GRIK5: variants seen among roughly 807,000 people sequenced by gnomAD.
GRIK5 encodes the protein glutamate receptor ionotropic, kainate 5.
GRIK5 carries 43 observed loss-of-function variants against 97.4 expected under a neutral mutation model. The ratio of observed to expected loss-of-function variants is 0.44; its 90% CI spans 0.35 to 0.57. The LOEUF (loss-of-function observed/expected upper bound fraction) is 0.57. Ranked by LOEUF, GRIK5 falls within the 20% of genes least tolerant of loss-of-function variation. The pLI, the probability that GRIK5 is intolerant of heterozygous loss-of-function variation, is 0.01. For synonymous variants in GRIK5, 580 were observed against 583.5 expected (o/e 0.99, Z 0.09); for missense variants, 1,015 against 1,382.0 (o/e 0.73, Z 4.21).
Position 42,065,936 on chromosome 19 carries a change from T to A in GRIK5, c.-50-116A>T, listed in dbSNP as rs1054931386. The stretch of plus-strand genomic sequence containing the variant: ...CTTGGGGACATTGTTGGCAAGCAGT[T>A]CACAGCTCTGCAGAGCCCTGCTCTG... On this transcript the variant is annotated intron_variant, in intron 1 of 19. Coordinates refer to ENST00000593562, the MANE Select transcript of GRIK5 (RefSeq NM_002088.5). The surrounding 1 kb of genome is among the most constrained non-coding windows in gnomAD (Gnocchi z 5.8). 20 of 628,918 alleles carry A rather than the reference T, an allele frequency of 3.2e-5. No individual in the cohort carries two copies. The highest frequency in any genetic ancestry group is 9.7e-5 in the Admixed American group (4 of 41,194). 39.0% of individuals were successfully genotyped at this position (628,918 alleles called of 1,614,324 possible). A position where few individuals can be genotyped will look rare whatever the true frequency, so the allele number is the denominator to read the frequency against.
Position 42,065,173 on chromosome 19 carries a change from G to C in GRIK5, c.244+50C>G. 2.0e-6 allele frequency: 3 copies of C among 1,530,360 alleles called. No individual in the cohort carries two copies. The highest frequency in any genetic ancestry group is 2.7e-6 in the Non-Finnish European group (3 of 1,121,800). The allele number at this position is 1,530,360 out of a possible 1,614,324, so 94.8% of individuals were successfully genotyped here. On this transcript the variant is annotated intron_variant, in intron 3 of 19. Transcript: ENST00000593562. This position sits in a 1 kb window ranked among gnomAD's most constrained non-coding sequence, Gnocchi z 5.8. ...GGCCAGGGGCAGAGGGATGGACTGA[G>C]GGCCACCGACCTGCCCTGCCTCACC...
chr19:42,039,534 C>T, intron 12 of GRIK5, among the ~76,000 whole-genome samples: 1 of 152,094 alleles, frequency 6.6e-6, no homozygotes, highest in East Asian at 1.9e-4. Flanking sequence ...CTGCTGAGGC[C>T]CAAACCCTTT....
chr19:42,048,669 TA>T (rs1327443936), intron 11 of GRIK5, among the ~76,000 whole-genome samples: 1 of 151,510 alleles, frequency 6.6e-6, no homozygotes, highest in African/African-American at 2.4e-5. Flanking sequence ...CACAAATCAA[TA>T]AAAAGTCACA....
In GRIK5 at chr19:42,054,393, C is replaced by T. The variant is rs1362523906; in HGVS notation, c.983G>A (p.Gly328Asp). Reference protein sequence around the residue: ...VRELNRSQEIGVKPLACTSAN... With the variant: ...VRELNRSQEIDVKPLACTSAN... The stretch of plus-strand genomic sequence containing the variant: ...CGATGTACAGGCCAGAGGCTTCACA[C>T]CGATCTCCTGGCTGCGGTTCAGCTC... The change falls in exon 9 of 20, where the codon GGT (glycine) becomes GAT (aspartate). Residue 328 changes from glycine (G) to aspartate (D), a missense_variant. Gly to Asp is a moderately conservative substitution (Grantham distance 94). Coordinates refer to ENST00000593562, the MANE Select transcript of GRIK5 (RefSeq NM_002088.5). The T allele has an allele frequency of 1.2e-6, 2 of 1,613,836 alleles. No homozygotes were observed. Among genetic ancestry groups the T allele is most frequent in the Admixed American group, 1.7e-5 (1 of 60,024 alleles).
intron 11 of GRIK5, among the ~76,000 whole-genome samples, chr19:42,049,180 G>T (rs2076081161): frequency 1.3e-5 from 2 of 152,196 alleles, no homozygotes; most frequent in African/African-American, 4.8e-5. Flanking sequence ...AAACCGAGTA[G>T]CAAGTGGAAT....
At chr19:42,008,609 A>G (rs1555873345) in intron 15 of GRIK5, among the ~76,000 whole-genome samples, 1 of 152,146 alleles carries the variant, frequency 6.6e-6, no homozygotes, top group East Asian at 1.9e-4. Context: ...TGGGCAACAA[A>G]GCAAGACTCT....
At chr19:42,063,577 A>C (rs182133741) in intron 3 of GRIK5, 1 of 315,332 alleles carries the variant, frequency 3.2e-6, no homozygotes, top group Admixed American at 4.2e-5. Flanking sequence ...CACCTTCCCC[A>C]GGTCTTTTGC....
At chr19:42,034,766 G>C (rs1204741609) in intron 12 of GRIK5, among the ~76,000 whole-genome samples, 1 of 150,620 alleles carries the variant, frequency 6.6e-6, no homozygotes, top group Admixed American at 6.7e-5. Context: ...CCACGCACCA[G>C]ACACTTTTAT....
intron 1 of GRIK5, chr19:42,068,615 T>C (rs2076375483): frequency 2.4e-6 from 1 of 421,314 alleles, no homozygotes; most frequent in Non-Finnish European, 4.2e-6. Flanking sequence ...AGGCACAGAA[T>C]AGAAAGAGAA....
chr19:42,053,986 G>T, intron 9 of GRIK5, 57 bp from the exon 10 acceptor site: 1 of 1,197,952 alleles, frequency 8.3e-7, no homozygotes, highest in Non-Finnish European at 1.2e-6. Flanking sequence ...AGATGGGCAG[G>T]GAAGGCCCAA....
intron 3 of GRIK5, among the ~76,000 whole-genome samples, chr19:42,063,830 G>T (rs936414198): frequency 1.3e-5 from 2 of 152,116 alleles, no homozygotes; most frequent in Non-Finnish European, 2.9e-5. Flanking sequence ...TTTGTCCTTA[G>T]GTCTTTTAGT....
At chr19:42,005,530 T>C (rs1173405130) in intron 17 of GRIK5, among the ~76,000 whole-genome samples, 193 bp downstream of exon 17, 1 of 152,210 alleles carries the variant, frequency 6.6e-6, no homozygotes, top group African/African-American at 2.4e-5. Context: ...GGATTGCTGC[T>C]AGGCCTGGTT....
intron 12 of GRIK5, among the ~76,000 whole-genome samples, chr19:42,035,126 G>A (rs1049215267): frequency 6.6e-6 from 1 of 152,050 alleles, no homozygotes; most frequent in African/African-American, 2.4e-5. Flanking sequence ...TTACAGGCAT[G>A]CGCCACCACA....
At chr19:42,012,224 GTGTATGTATGTA>G (rs541112270) in intron 15 of GRIK5, among the ~76,000 whole-genome samples, 22 of 151,462 alleles carry the variant, frequency 1.5e-4, no homozygotes, top group Non-Finnish European at 2.2e-4. Context: ...ATACATGTAT[GTGTATGTATGTA>G]TGTATGTATG....
Position 42,054,063 on chromosome 19 carries a change from G to A in GRIK5, c.1057-134C>T. On this transcript the variant is annotated intron_variant, in intron 9 of 19. Coordinates refer to ENST00000593562, the MANE Select transcript of GRIK5 (RefSeq NM_002088.5). ...GTGGAGGGGACAAGAGAGAGAAGAG[G>A]AAGATCACAGTCAAAAGAGCAAGAT... 3 of 670,832 alleles carry A rather than the reference G, an allele frequency of 4.5e-6. No homozygotes were observed. In the South Asian group the frequency reaches 5.4e-5, roughly 12 times the overall value. 41.6% of individuals were successfully genotyped at this position (670,832 alleles called of 1,614,324 possible). A position where few individuals can be genotyped will look rare whatever the true frequency, so the allele number is the denominator to read the frequency against.
chr19:42,046,443 CCAGA>C (rs2076044068), intron 11 of GRIK5, among the ~76,000 whole-genome samples: 1 of 152,182 alleles, frequency 6.6e-6, no homozygotes, highest in Admixed American at 6.5e-5. Context: ...AACACTGCAG[CCAGA>C]CAATGAGATA....
In GRIK5 at chr19:42,062,831, A is replaced by G; in HGVS notation, c.269T>C (p.Val90Ala). Residue 90 changes from valine (V) to alanine (A), a missense_variant, in exon 4 of 20, where the codon GTT becomes GCT. Transcript: ENST00000593562. The surrounding 1 kb of genome is among the most constrained non-coding windows in gnomAD (Gnocchi z 5.3). Reference sequence around the variant, plus strand: ...AGAGGAGGGCCCAAGGACAGACACAACCCCTTTGGGTAAGATCTGACACAC... The same window carrying G: ...AGAGGAGGGCCCAAGGACAGACACAGCCCCTTTGGGTAAGATCTGACACAC... ...DTMCQILPKG[V>A]VSVLGPSSSP... 1 of 1,613,626 alleles carries G rather than the reference A, an allele frequency of 6.2e-7. No homozygotes were observed.
chr19:42,053,179 A>G (rs2146139848), intron 11 of GRIK5, among the ~76,000 whole-genome samples: 1 of 152,282 alleles, frequency 6.6e-6, no homozygotes. Context: ...TTAGAGACAT[A>G]GCTTCCAGTC....
Position 41,999,076 on chromosome 19 carries a change from G to A in GRIK5, c.2738C>T (p.Pro913Leu). Residue 913 changes from proline (P) to leucine (L), a missense_variant, in exon 20 of 20, where the codon CCG (proline) becomes CTG (leucine). By Grantham distance (98) the Pro-to-Leu change is moderately conservative. Coordinates refer to ENST00000593562, the MANE Select transcript of GRIK5 (RefSeq NM_002088.5). This position sits in a 1 kb window ranked among gnomAD's most constrained non-coding sequence, Gnocchi z 5.0. ...GGGTCGGGCTCCGCTGGGGGGCCCCGGGTCGTCCAGGAGGCGCTGCGGGCC... is the reference window on the plus strand; with the variant it reads ...GGGTCGGGCTCCGCTGGGGGGCCCCAGGTCGTCCAGGAGGCGCTGCGGGCC... ...HGGPQRLLDD[P>L]GPPSGARPAA... 1.5e-6 allele frequency: 2 copies of A among 1,300,862 alleles called. No homozygotes were observed. The highest frequency in any genetic ancestry group is 1.9e-6 in the Non-Finnish European group (2 of 1,030,328). The allele number at this position is 1,300,862 out of a possible 1,614,324, so 80.6% of individuals were successfully genotyped here. A position where few individuals can be genotyped will look rare whatever the true frequency, so the allele number is the denominator to read the frequency against.
Sources: gnomAD v4.1 joint callset for allele counts (sites outside exome capture counted in the v4.1 genomes callset) on GRCh38, gnomAD v4.1.1 for gene constraint, Gnocchi (gnomAD v3.1) non-coding constraint, MANE v1.5 for transcripts, NCBI Gene and HGNC (gene_info 2026-07-23, HGNC 2026-07-21) for gene names.